The following MIEF1 variants were observed in gnomAD, a reference collection of about 807,000 sequenced individuals.
MIEF1 encodes mitochondrial elongation factor 1.
Under a neutral mutation model 35.1 loss-of-function variants are expected in MIEF1, and 14 were observed. That is an observed-to-expected ratio of 0.40 (90% CI 0.26 to 0.62). MIEF1 has a LOEUF of 0.62. Among genes scored for constraint, MIEF1 ranks in the 20% least tolerant of loss-of-function variants. The pLI is 0.43. For synonymous variants in MIEF1, 245 were observed against 254.3 expected, an observed-to-expected ratio of 0.96 and a Z score of 0.35; for missense variants, 542 against 615.4, an observed-to-expected ratio of 0.88 and a Z score of 1.26.
rs137857615 is a variant in MIEF1, at chr22:39,504,978, A to T, written c.-8+444A>T. ...AGGAGGCCAAGGCAGGAGGATCACA[A>T]GGTCAGGAGTTCGAGACCAGCCTGG... On this transcript the variant is annotated intron_variant, in intron 2 of 5. Coordinates refer to ENST00000325301, the MANE Select transcript of MIEF1 (RefSeq NM_019008.6). Among the ~76,000 whole-genome samples the T allele has an allele frequency of 6.8e-3, 1,029 of 152,266 alleles. 15 individuals carry two copies. Among genetic ancestry groups the T allele is most frequent in the African/African-American group, 0.023 (965 of 41,562 alleles).
chr22:39,514,526 C>A lies in MIEF1; in HGVS notation c.*203C>A. 1 of 608,298 alleles carries A rather than the reference C, an allele frequency of 1.6e-6. No individual in the cohort carries two copies. The highest frequency in any genetic ancestry group is 2.9e-6 in the Non-Finnish European group (1 of 349,856). The allele number at this position is 608,298 out of a possible 1,614,324, so 37.7% of individuals were successfully genotyped here. A position where few individuals can be genotyped will look rare whatever the true frequency, so the allele number is the denominator to read the frequency against. Reference sequence around the variant, plus strand: ...AACTCTTCCTATTTTTGTTACCAATCACTGTGCTCTCTGCCGCCCCCTGGC... The same window carrying A: ...AACTCTTCCTATTTTTGTTACCAATAACTGTGCTCTCTGCCGCCCCCTGGC... On this transcript the variant is annotated 3_prime_UTR_variant, in exon 6 of 6. Transcript: ENST00000325301.
At chr22:39,509,758 T>C (rs1397515973) in intron 2 of MIEF1, among the ~76,000 whole-genome samples, 1 of 152,066 alleles carries the variant, frequency 6.6e-6, no homozygotes, top group Non-Finnish European at 1.5e-5. Flanking sequence ...AGTAGGAGGG[T>C]CCATGGAGGG....
At position 39,512,466 on chromosome 22, in the gene MIEF1, T is replaced by C. The variant is rs1474161533; in HGVS notation, c.557T>C (p.Leu186Ser). 2.5e-6 allele frequency: 4 copies of C among 1,613,550 alleles called. No homozygotes were observed. In the Admixed American group the frequency reaches 5.0e-5, roughly 20 times the overall value. ...LPDMPLRDMY[L>S]SGSLYDDLQV... ...GACATGCCGCTTCGGGACATGTACT[T>C]GAGTGGCAGCCTCTACGATGACCTG... The change falls in exon 5 of 6, where the codon TTG becomes TCG. Residue 186 changes from leucine (L) to serine (S), a missense_variant. Leu to Ser is a moderately radical substitution (Grantham distance 145, BLOSUM62 -2). Transcript: ENST00000325301.
At chr22:39,511,250 TC>T (rs761228357) in intron 2 of MIEF1, 37 bp from the exon 3 acceptor site, 3 of 1,611,938 alleles carry the variant, frequency 1.9e-6, no homozygotes, top group Admixed American at 1.7e-5. Flanking sequence ...GTTCTTGGGG[TC>T]CCAGTACTTA....
upstream of MIEF1, chr22:39,500,361 C>A (rs879067597): frequency 2.6e-5 from 4 of 151,896 alleles, no homozygotes; most frequent in Admixed American, 2.0e-4. Context: ...AAAGATAAGA[C>A]CCTGAAGAGC....
At chr22:39,508,493 CAA>C (rs1488397920) in intron 2 of MIEF1, among the ~76,000 whole-genome samples, 3 of 152,210 alleles carry the variant, frequency 2.0e-5, no homozygotes, top group East Asian at 3.8e-4. Flanking sequence ...AGAGTTAAAA[CAA>C]GAGACATTGT....
In MIEF1 at chr22:39,513,844, G is replaced by A; in HGVS notation, c.913G>A (p.Asp305Asn). ...ALTLEVQYER[D>N]KHLFIDFLPS... Reference sequence around the variant, plus strand: ...CACACTGGAGGTGCAGTATGAGCGTGACAAACATCTCTTCATTGACTTCCT... The same window carrying A: ...CACACTGGAGGTGCAGTATGAGCGTAACAAACATCTCTTCATTGACTTCCT... Residue 305 changes from aspartate (D) to asparagine (N), a missense_variant, in exon 6 of 6, where the codon GAC becomes AAC. Coordinates refer to ENST00000325301, the MANE Select transcript of MIEF1 (RefSeq NM_019008.6). The A allele has an allele frequency of 1.2e-6, 2 of 1,614,094 alleles. No homozygotes were observed. Among genetic ancestry groups the A allele is most frequent in the African/African-American group, 1.3e-5 (1 of 75,040 alleles).
chr22:39,512,118 G>A (rs761541134), intron 4 of MIEF1, 92 bp downstream of exon 4: 100 of 1,558,288 alleles, frequency 6.4e-5, no homozygotes, highest in Non-Finnish European at 7.7e-5. Context: ...ATCTGTGCCA[G>A]GCACTGTGCC....
In MIEF1 at chr22:39,515,633, G is replaced by C. The variant is rs1027492308; in HGVS notation, c.*1310G>C. 2.1e-6 allele frequency: 1 copy of C among 472,626 alleles called. No homozygotes were observed. Among genetic ancestry groups the C allele is most frequent in the Non-Finnish European group, 3.8e-6 (1 of 265,600 alleles). 29.3% of individuals were successfully genotyped at this position (472,626 alleles called of 1,614,324 possible). ...ATTCCTCCTTGTTTGCCGCTGCTGA[G>C]ATTGCAGTATTTATTGCAATGTAAA... On this transcript the variant is annotated 3_prime_UTR_variant, in exon 6 of 6. Transcript: ENST00000325301.
chr22:39,515,275 A>G lies in MIEF1; in HGVS notation c.*952A>G. 1.4e-6 allele frequency: 1 copy of G among 717,532 alleles called. No individual in the cohort carries two copies. Among genetic ancestry groups the G allele is most frequent in the Non-Finnish European group, 2.6e-6 (1 of 385,096 alleles). 44.4% of individuals were successfully genotyped at this position (717,532 alleles called of 1,614,324 possible). On this transcript the variant is annotated 3_prime_UTR_variant, in exon 6 of 6. Coordinates refer to ENST00000325301, the MANE Select transcript of MIEF1 (RefSeq NM_019008.6). ...CAGCCTTAGACATCAGGTGAGGATG[A>G]TGGAGGTAGACAGTCGACTGAATGT...
intron 2 of MIEF1, among the ~76,000 whole-genome samples, chr22:39,506,824 C>G (rs760650815): frequency 6.6e-6 from 1 of 152,228 alleles, no homozygotes; most frequent in Non-Finnish European, 1.5e-5. Flanking sequence ...ATCCCTAGTT[C>G]TGCCCACCAG....
chr22:39,513,885 C>T lies in MIEF1; in HGVS notation c.954C>T (p.Leu318=), dbSNP rs149911068. ...LFIDFLPSVT[L]GDTVLVAKPH... is the part of the protein sequence containing the mutation. ...TTGACTTCCTGCCATCAGTGACCCT[C>T]GGTGACACAGTCTTGGTGGCCAAAC... Residue 318 remains leucine, a synonymous_variant, in exon 6 of 6, where the codon CTC becomes CTT. Coordinates refer to ENST00000325301, the MANE Select transcript of MIEF1 (RefSeq NM_019008.6). The T allele has an allele frequency of 5.7e-5, 92 of 1,614,008 alleles. No individual in the cohort carries two copies. The highest frequency in any genetic ancestry group is 7.3e-5 in the Non-Finnish European group (86 of 1,180,030).
At position 39,517,478 on chromosome 22, in the gene MIEF1, C is replaced by T. The variant is rs1569023328; in HGVS notation, c.*3155C>T. The T allele has an allele frequency of 2.1e-6, 1 of 469,320 alleles. No individual in the cohort carries two copies. Among genetic ancestry groups the T allele is most frequent in the Non-Finnish European group, 4.4e-6 (1 of 226,162 alleles). 29.1% of individuals were successfully genotyped at this position (469,320 alleles called of 1,614,324 possible). On this transcript the variant is annotated 3_prime_UTR_variant, in exon 6 of 6. Coordinates refer to ENST00000325301, the MANE Select transcript of MIEF1 (RefSeq NM_019008.6). ...TTTGCTGACTGTGCTCCCTGCACTC[C>T]ACTCAAGTTGAGAGTTCAAATAGTC...
Position 39,513,694 on chromosome 22 carries a change from G to C in MIEF1, c.763G>C (p.Gly255Arg). The change falls in exon 6 of 6, where the codon GGC becomes CGC. Residue 255 changes from glycine to arginine, a missense_variant. Coordinates refer to ENST00000325301, the MANE Select transcript of MIEF1 (RefSeq NM_019008.6). The stretch of plus-strand genomic sequence containing the variant: ...TTACTGGGACCGCTGTGTAGTAGGG[G>C]GCTACCTCTCTCCAAAGACAGTCGC... ...SSYWDRCVVGGYLSPKTVADT... is the reference protein window; with the variant it reads ...SSYWDRCVVGRYLSPKTVADT... 3.1e-6 allele frequency: 5 copies of C among 1,614,106 alleles called. No homozygotes were observed. Among genetic ancestry groups the C allele is most frequent in the Non-Finnish European group, 4.2e-6 (5 of 1,180,012 alleles).
At chr22:39,506,985 A>G (rs545813886) in intron 2 of MIEF1, among the ~76,000 whole-genome samples, 2 of 152,316 alleles carry the variant, frequency 1.3e-5, no homozygotes, top group African/African-American at 2.4e-5. Flanking sequence ...CCATTAAGCA[A>G]TGGGGTTCCT....
In MIEF1 at chr22:39,515,461, A is replaced by T; in HGVS notation, c.*1138A>T. On this transcript the variant is annotated 3_prime_UTR_variant, in exon 6 of 6. Transcript: ENST00000325301. Reference sequence around the variant, plus strand: ...AGGAATGTGAGAGGGGTGTTTGCTGAGCGCTCCGGGCACGGCCAGAGGGCA... The same window carrying T: ...AGGAATGTGAGAGGGGTGTTTGCTGTGCGCTCCGGGCACGGCCAGAGGGCA... 1.5e-6 allele frequency: 1 copy of T among 660,172 alleles called. No individual in the cohort carries two copies. The highest frequency in any genetic ancestry group is 2.8e-6 in the Non-Finnish European group (1 of 357,794). The allele number at this position is 660,172 out of a possible 1,614,324, so 40.9% of individuals were successfully genotyped here. A position where few individuals can be genotyped will look rare whatever the true frequency, so the allele number is the denominator to read the frequency against.
Position 39,514,736 on chromosome 22 carries a change from C to T in MIEF1, c.*413C>T, listed in dbSNP as rs1277586840. On this transcript the variant is annotated 3_prime_UTR_variant, in exon 6 of 6. Coordinates refer to ENST00000325301, the MANE Select transcript of MIEF1 (RefSeq NM_019008.6). ...TCTCGTTCATGCCTTCTGTTTTGCTCTTGTCCCTGGAGCATATCTGCCTAA... is the reference window on the plus strand; with the variant it reads ...TCTCGTTCATGCCTTCTGTTTTGCTTTTGTCCCTGGAGCATATCTGCCTAA... 3.9e-6 allele frequency: 1 copy of T among 255,774 alleles called. No homozygotes were observed. The highest frequency in any genetic ancestry group is 5.1e-5 in the Admixed American group (1 of 19,788). The allele number at this position is 255,774 out of a possible 1,614,324, so 15.8% of individuals were successfully genotyped here.
chr22:39,502,346 C>G lies in MIEF1; in HGVS notation c.-431C>G, dbSNP rs1011635500. 2.0e-5 allele frequency: 3 copies of G among 152,346 alleles called. No homozygotes were observed. The highest frequency in any genetic ancestry group is 4.4e-5 in the Non-Finnish European group (3 of 68,130). The allele number at this position is 152,346 out of a possible 1,614,324, so 9.4% of individuals were successfully genotyped here. A position where few individuals can be genotyped will look rare whatever the true frequency, so the allele number is the denominator to read the frequency against. On this transcript the variant is annotated 5_prime_UTR_variant, in exon 1 of 6. Coordinates refer to ENST00000325301, the MANE Select transcript of MIEF1 (RefSeq NM_019008.6). ...CAGCTCCGTGCGCAAGGTCGTGTCCCGGAAGTGAAGGGGCCATGTTGATGG... is the reference window on the plus strand; with the variant it reads ...CAGCTCCGTGCGCAAGGTCGTGTCCGGGAAGTGAAGGGGCCATGTTGATGG...
Position 39,511,872 on chromosome 22 carries a change from C to T in MIEF1, c.168C>T (p.Ala56=), listed in dbSNP as rs745489780. The change falls in exon 4 of 6, where the codon GCC becomes GCT. Residue 56 remains alanine, a synonymous_variant. Transcript: ENST00000325301. ...AGATGTACGATCGGGCGATCAGTGC[C>T]CCTACCAGCCCCACCCGCCTGAGCC... ...VKRMYDRAIS[A]PTSPTRLSHS... is the part of the protein sequence containing the mutation. The T allele has an allele frequency of 5.6e-6, 9 of 1,613,766 alleles. No homozygotes were observed. In the South Asian group the frequency reaches 9.9e-5, roughly 18 times the overall value.
Sources: allele counts gnomAD v4.1 joint callset (sites outside exome capture counted in the v4.1 genomes callset), GRCh38; gene constraint gnomAD v4.1.1; transcripts MANE v1.5; gene names NCBI Gene and HGNC (gene_info 2026-07-23, HGNC 2026-07-21).